Variants in CEP85L observed in about 807,000 individuals in gnomAD.
CEP85L encodes the protein centrosomal protein 85L.
In CEP85L, 60 loss-of-function variants were observed where a neutral mutation model predicts 100.3. The ratio of observed to expected loss-of-function variants is 0.60; its 90% confidence interval spans 0.49 to 0.74. The LOEUF (loss-of-function observed/expected upper bound fraction) is 0.74, where lower values mean the gene tolerates loss of function less well. Ranked by LOEUF, CEP85L falls within the 30% of genes least tolerant of loss-of-function variation. The probability of loss-of-function intolerance (pLI) is 0.00; values close to 1 mark genes in which losing one functional copy is unlikely to be tolerated. For missense variants in CEP85L, 973 were observed against 936.2 expected (o/e 1.04, Z -0.51); for synonymous variants, 319 against 322.7 (o/e 0.99, Z 0.12).
chr6:118,466,885 A>G (rs1772563468), intron 12 of CEP85L, among the ~76,000 whole-genome samples: 1 of 152,128 alleles, frequency 6.6e-6, no homozygotes, highest in African/African-American at 2.4e-5. Flanking sequence ...TTAAGGCAAT[A>G]GTGCAATGGA....
intron 1 of CEP85L, among the ~76,000 whole-genome samples, chr6:118,648,037 T>G (rs1775314482): frequency 6.6e-6 from 1 of 151,278 alleles, no homozygotes; most frequent in East Asian, 2.0e-4. Flanking sequence ...GTGGATCACT[T>G]GAGGCCAGGA....
intron 11 of CEP85L, 47 bp from the exon 12 acceptor site, chr6:118,469,350 A>G: frequency 6.9e-7 from 1 of 1,449,570 alleles, no homozygotes. Context: ...AACAGAGGAA[A>G]GGTACTCAAA....
At chr6:118,665,354 T>A (rs542293513) in intron 1 of CEP85L, among the ~76,000 whole-genome samples, 5 of 152,016 alleles carry the variant, frequency 3.3e-5, no homozygotes, top group Non-Finnish European at 7.4e-5. Context: ...TTATTTTATT[T>A]TATTTTATTA....
At chr6:118,489,543 T>C (rs991815605) in intron 6 of CEP85L, among the ~76,000 whole-genome samples, 1 of 152,136 alleles carries the variant, frequency 6.6e-6, no homozygotes, top group African/African-American at 2.4e-5. Flanking sequence ...TGAACAGGTA[T>C]ATGAAAAGAT....
chr6:118,600,525 T>C (rs1781731858), intron 2 of CEP85L, among the ~76,000 whole-genome samples: 2 of 151,804 alleles, frequency 1.3e-5, no homozygotes, highest in South Asian at 4.2e-4. Flanking sequence ...TTTCACCATA[T>C]TGGTCAGGCT....
intron 2 of CEP85L, chr6:118,589,632 CAAAT>C (rs1781067595): frequency 3.6e-6 from 1 of 276,836 alleles, no homozygotes; most frequent in Non-Finnish European, 7.5e-6. Context: ...AGGAAGATGA[CAAAT>C]AACTCCCCTC....
chr6:118,556,662 A>G (rs777554236), intron 3 of CEP85L, among the ~76,000 whole-genome samples: 50 of 152,336 alleles, frequency 3.3e-4, no homozygotes, highest in Non-Finnish European at 6.6e-4. Flanking sequence ...TTAGGAGAAA[A>G]TAAAATCTGA....
At chr6:118,467,358 G>A (rs1173514792) in intron 12 of CEP85L, among the ~76,000 whole-genome samples, 1 of 152,098 alleles carries the variant, frequency 6.6e-6, no homozygotes, top group African/African-American at 2.4e-5. Flanking sequence ...AAGTGGCAGA[G>A]AAGTCCACAG....
intron 1 of CEP85L, among the ~76,000 whole-genome samples, chr6:118,637,703 C>CAACA (rs562104836): frequency 2.2e-5 from 1 of 45,440 alleles, no homozygotes; most frequent in Non-Finnish European, 3.8e-5. Context: ...AAGACTGTCT[C>CAACA]AAAAAAAAAA....
At chr6:118,514,933 T>C (rs770236280) in intron 4 of CEP85L, among the ~76,000 whole-genome samples, 5 of 151,916 alleles carry the variant, frequency 3.3e-5, no homozygotes, top group African/African-American at 7.3e-5. Context: ...GCCTTCCAAA[T>C]AGCTGGGACT....
At chr6:118,666,372 A>G (rs1776133952) in intron 1 of CEP85L, among the ~76,000 whole-genome samples, 1 of 152,220 alleles carries the variant, frequency 6.6e-6, no homozygotes, top group African/African-American at 2.4e-5. Context: ...GTTTAGTGAA[A>G]TTAAATGACT....
At chr6:118,502,845 C>T in intron 5 of CEP85L, 1 of 617,532 alleles carries the variant, frequency 1.6e-6, no homozygotes, top group Non-Finnish European at 3.1e-6. Context: ...ATTTCCATTC[C>T]TTCCCCTGTC....
At chr6:118,564,470 TTTGA>T (rs1249195400) in intron 3 of CEP85L, among the ~76,000 whole-genome samples, 3 of 152,236 alleles carry the variant, frequency 2.0e-5, no homozygotes, top group African/African-American at 7.2e-5. Context: ...ATTCTTCTGT[TTTGA>T]TTGTGTTGTT....
chr6:118,585,785 T>C (rs536020462), intron 2 of CEP85L, among the ~76,000 whole-genome samples: 43 of 152,208 alleles, frequency 2.8e-4, no homozygotes, highest in African/African-American at 9.9e-4. Context: ...GTCTTAAAAA[T>C]AATCCCCTGA....
intron 2 of CEP85L, among the ~76,000 whole-genome samples, chr6:118,617,190 C>T (rs1001774844): frequency 5.9e-5 from 9 of 152,054 alleles, no homozygotes; most frequent in African/African-American, 1.9e-4. Context: ...GGGATTACTT[C>T]GGTTCTGGAT....
At chr6:118,629,824 C>G (rs772154365) in intron 2 of CEP85L, among the ~76,000 whole-genome samples, 5 of 152,150 alleles carry the variant, frequency 3.3e-5, no homozygotes, top group African/African-American at 4.8e-5. Context: ...AGACAGTAAG[C>G]TGTTCATGAT....
chr6:118,570,029 T>C (rs1444964287), intron 2 of CEP85L, among the ~76,000 whole-genome samples: 1 of 152,204 alleles, frequency 6.6e-6, no homozygotes, highest in Non-Finnish European at 1.5e-5. Flanking sequence ...GTTTAAAATA[T>C]GAATACACAT....
chr6:118,561,373 AT>A (rs1779212951), intron 3 of CEP85L, among the ~76,000 whole-genome samples: 1 of 152,094 alleles, frequency 6.6e-6, no homozygotes, highest in South Asian at 2.1e-4. Context: ...GAAATAACTA[AT>A]TTTTTTGTTC....
At chr6:118,496,397 T>TTTTATTTTATTTTATTTTATTTTATTA in intron 5 of CEP85L, among the ~76,000 whole-genome samples, 1 of 151,540 alleles carries the variant, frequency 6.6e-6, no homozygotes. Flanking sequence ...TTTTATTTTA[T>TTTTATTTTATTTTATTTTATTTTATTA]GAGGCTGGAG....
Sources: allele counts gnomAD v4.1 joint callset (sites outside exome capture counted in the v4.1 genomes callset), GRCh38; gene constraint gnomAD v4.1.1; transcripts MANE v1.5; gene names NCBI Gene and HGNC (gene_info 2026-07-23, HGNC 2026-07-21).